Variants in HOMER2 observed in about 807,000 individuals in gnomAD.
HOMER2 encodes homer scaffold protein 2.
A neutral mutation model predicts 47.0 loss-of-function variants in HOMER2; 27 were observed. The observed-to-expected ratio is 0.57, with a 90% confidence interval of 0.42 to 0.79. The LOEUF (loss-of-function observed/expected upper bound fraction) is 0.79. Among genes scored for constraint, HOMER2 ranks in the 30% least tolerant of loss-of-function variants. HOMER2 has a pLI of 0.00. For missense variants in HOMER2, 443 were observed against 435.0 expected, an observed-to-expected ratio of 1.02 and a Z score of -0.16; for synonymous variants, 161 against 163.8, an observed-to-expected ratio of 0.98 and a Z score of 0.13.
intron 4 of HOMER2, among the ~76,000 whole-genome samples, chr15:82,859,884 CAAAATT>C (rs2051716863): frequency 6.6e-6 from 1 of 151,040 alleles, no homozygotes; most frequent in African/African-American, 2.4e-5. Context: ...ACACCATAAA[CAAAATT>C]AAAATGAGAC....
chr15:82,977,579 T>C (rs6603038), intron 1 of HOMER2, among the ~76,000 whole-genome samples: 90,349 of 152,060 alleles, frequency 0.59, 28,049 homozygotes, highest in African/African-American at 0.77. Context: ...TTCACTCTTA[T>C]GTTAATAAAC....
upstream of HOMER2, among the ~76,000 whole-genome samples, chr15:82,954,442 C>T (rs975447552): frequency 6.7e-6 from 1 of 150,326 alleles, no homozygotes; most frequent in African/African-American, 2.4e-5. Context: ...CGACTGCAGG[C>T]GCATGCCACC....
intron 1 of HOMER2, among the ~76,000 whole-genome samples, chr15:82,967,428 T>C (rs2054684710): frequency 6.6e-6 from 1 of 152,134 alleles, no homozygotes; most frequent in Non-Finnish European, 1.5e-5. Context: ...TACAGTTTGC[T>C]ACAAAACAAT....
At chr15:82,892,388 A>T (rs1233616916) in intron 2 of HOMER2, among the ~76,000 whole-genome samples, 1 of 152,232 alleles carries the variant, frequency 6.6e-6, no homozygotes, top group Non-Finnish European at 1.5e-5. Context: ...GATGCTCATT[A>T]TTTATAATAG....
At chr15:82,984,010 A>G (rs1253155733) in intron 1 of HOMER2, among the ~76,000 whole-genome samples, 8 of 151,568 alleles carry the variant, frequency 5.3e-5, no homozygotes, top group Non-Finnish European at 8.8e-5. Flanking sequence ...GAGCTCCAGA[A>G]TAGTACTATT....
chr15:82,891,731 T>C (rs1233526213), intron 2 of HOMER2, among the ~76,000 whole-genome samples: 1 of 152,112 alleles, frequency 6.6e-6, no homozygotes, highest in Non-Finnish European at 1.5e-5. Flanking sequence ...AAGACTGTGA[T>C]AGGACAAGAG....
intron 8 of HOMER2, among the ~76,000 whole-genome samples, 176 bp downstream of exon 8, chr15:82,850,975 G>A (rs181360771): frequency 1.3e-5 from 2 of 152,356 alleles, no homozygotes; most frequent in African/African-American, 2.4e-5. Flanking sequence ...AGTCTGCCCC[G>A]GGGGCAGGGG....
At chr15:82,917,784 A>C (rs958822892) in intron 1 of HOMER2, among the ~76,000 whole-genome samples, 9 of 152,218 alleles carry the variant, frequency 5.9e-5, no homozygotes, top group African/African-American at 2.2e-4. Flanking sequence ...CAGTAGGCCC[A>C]AAATACTTGC....
At chr15:82,956,299 T>G, upstream of HOMER2, among the ~76,000 whole-genome samples, 1 of 140,262 alleles carries the variant, frequency 7.1e-6, no homozygotes. Context: ...ATGGGGAGCA[T>G]GAGGGGAGGG....
At chr15:82,940,372 A>T (rs928485663) in intron 1 of HOMER2, among the ~76,000 whole-genome samples, 2 of 152,204 alleles carry the variant, frequency 1.3e-5, no homozygotes, top group African/African-American at 4.8e-5. Context: ...AAGACCTGCA[A>T]GGCGGGAGGA....
rs542918083 is a variant in HOMER2, at chr15:82,854,815, C to A, written c.495-15G>T. On this transcript the variant is annotated splice_polypyrimidine_tract_variant and intron_variant, in intron 5 of 8. Transcript: ENST00000450735. ...CGTTGGCTGCGCTGCAGGACAGGGA[C>A]GGGCGGTGACGACGGGGTGGGTGCT... 5.9e-5 allele frequency: 95 copies of A among 1,601,864 alleles called. 1 individual carries two copies. The South Asian group carries it at 1.0e-3, about 17-fold the overall frequency.
intron 1 of HOMER2, among the ~76,000 whole-genome samples, chr15:82,893,390 T>C (rs2052786053): frequency 6.8e-6 from 1 of 146,064 alleles, no homozygotes; most frequent in African/African-American, 2.6e-5. Flanking sequence ...TGGAGTGCAG[T>C]GGCATGATCT....
At chr15:82,863,841 T>C (rs906559552) in intron 4 of HOMER2, among the ~76,000 whole-genome samples, 1 of 152,186 alleles carries the variant, frequency 6.6e-6, no homozygotes, top group African/African-American at 2.4e-5. Flanking sequence ...CAAGGTACCC[T>C]ACACAGAAAC....
chr15:82,939,960 C>A (rs1018264357), intron 1 of HOMER2, among the ~76,000 whole-genome samples: 1 of 152,072 alleles, frequency 6.6e-6, no homozygotes, highest in Non-Finnish European at 1.5e-5. Context: ...AGCAAACTGT[C>A]GCAAGGACAG....
intron 1 of HOMER2, among the ~76,000 whole-genome samples, chr15:82,923,374 C>A (rs2053779606): frequency 6.6e-6 from 1 of 151,556 alleles, no homozygotes; most frequent in South Asian, 2.1e-4. Context: ...GCAGTCCCAG[C>A]TACTCAGGAG....
chr15:82,841,544 A>G (rs1033341659), exon 2 of HOMER2: 4 of 152,074 alleles, frequency 2.6e-5, no homozygotes, highest in Non-Finnish European at 5.9e-5. Context: ...TGATATATAT[A>G]TATCAAATAA....
At chr15:82,934,903 C>G (rs1236203059) in intron 1 of HOMER2, among the ~76,000 whole-genome samples, 1 of 152,234 alleles carries the variant, frequency 6.6e-6, no homozygotes, top group Admixed American at 6.5e-5. Flanking sequence ...CCCTGTCCCC[C>G]ACTCACGCTC....
intron 1 of HOMER2, among the ~76,000 whole-genome samples, chr15:82,969,893 C>G (rs186789750): frequency 4.9e-4 from 75 of 152,182 alleles, no homozygotes; most frequent in Non-Finnish European, 1.3e-4. Flanking sequence ...TAAATAGAAC[C>G]TTTGTATCCT....
intron 1 of HOMER2, among the ~76,000 whole-genome samples, chr15:82,936,968 T>C (rs569388168): frequency 7.2e-5 from 11 of 152,326 alleles, no homozygotes; most frequent in South Asian, 6.2e-4. Context: ...CTAAACAATA[T>C]AGAGGGGCCT....
Sources: gnomAD v4.1 joint callset for allele counts (sites outside exome capture counted in the v4.1 genomes callset) on GRCh38, gnomAD v4.1.1 for gene constraint, MANE v1.5 for transcripts, NCBI Gene and HGNC (gene_info 2026-07-23, HGNC 2026-07-21) for gene names.